MCHR2: variants seen among roughly 807,000 people sequenced by gnomAD.
MCHR2 encodes melanin-concentrating hormone receptor 2.
A neutral mutation model predicts 24.8 loss-of-function variants in MCHR2; 15 were observed. The ratio of observed to expected loss-of-function variants is 0.60; its 90% CI spans 0.40 to 0.93. The LOEUF is 0.93. MCHR2 is among the 40% of genes least tolerant of loss of function. The pLI is 0.00. For missense variants in MCHR2, 386 were observed against 408.7 expected (o/e 0.94, Z 0.48); for synonymous variants, 151 against 147.6 (o/e 1.02, Z -0.17).
intron 1 of MCHR2, among the ~76,000 whole-genome samples, chr6:99,966,769 ATATT>A (rs1457740886): frequency 3.3e-5 from 5 of 152,186 alleles, no homozygotes. Context: ...ATTATTGTTA[ATATT>A]TAATCAAAGG....
chr6:99,921,980 T>C lies in MCHR2; in HGVS notation c.708-725A>G, dbSNP rs1774242739. 2.0e-5 allele frequency among the ~76,000 whole-genome samples: 3 copies of C among 152,148 alleles called. No individual in the cohort carries two copies. In the South Asian group the frequency reaches 6.2e-4, roughly 31 times the overall value. Reference sequence around the variant, plus strand: ...CTCATTCTGTTTTATGGCTGAATAGTACTCCATTGTGTACACATATCACAT... The same window carrying C: ...CTCATTCTGTTTTATGGCTGAATAGCACTCCATTGTGTACACATATCACAT... On this transcript the variant is annotated intron_variant, in intron 5 of 5. Coordinates refer to ENST00000281806, the MANE Select transcript of MCHR2 (RefSeq NM_001040179.2).
chr6:99,954,354 C>T (rs973974259), intron 2 of MCHR2, among the ~76,000 whole-genome samples: 1 of 152,028 alleles, frequency 6.6e-6, no homozygotes, highest in Non-Finnish European at 1.5e-5. Flanking sequence ...GCTGAAAACA[C>T]CTATTAGGTA....
intron 1 of MCHR2, among the ~76,000 whole-genome samples, chr6:99,960,773 C>T (rs1039512455): frequency 6.6e-6 from 1 of 152,028 alleles, no homozygotes; most frequent in African/African-American, 2.4e-5. Flanking sequence ...AACTGGCTAG[C>T]CATATGCAGA....
intron 5 of MCHR2, among the ~76,000 whole-genome samples, chr6:99,923,912 G>A (rs569361294): frequency 6.6e-6 from 1 of 152,176 alleles, no homozygotes; most frequent in South Asian, 2.1e-4. Flanking sequence ...TAGTATCACA[G>A]TAATACTGGT....
chr6:99,964,069 G>T (rs1313118026), intron 1 of MCHR2, among the ~76,000 whole-genome samples: 1 of 152,088 alleles, frequency 6.6e-6, no homozygotes, highest in East Asian at 1.9e-4. Flanking sequence ...CTAATTAAAA[G>T]CACAATTGGA....
chr6:99,988,051 C>T (rs1775801616), intron 1 of MCHR2, among the ~76,000 whole-genome samples: 1 of 152,120 alleles, frequency 6.6e-6, no homozygotes, highest in African/African-American at 2.4e-5. Flanking sequence ...ATTTGATGTC[C>T]CAAGGGATGG....
Position 99,919,659 on chromosome 6 carries a change from CT to C in MCHR2, c.*1280del, listed in dbSNP as rs1281491683. 1.3e-5 allele frequency among the ~76,000 whole-genome samples: 2 copies of C among 150,998 alleles called. No individual in the cohort carries two copies. Among genetic ancestry groups the C allele is most frequent in the African/African-American group, 4.9e-5 (2 of 41,084 alleles). On this transcript the variant is annotated 3_prime_UTR_variant, in exon 6 of 6. Coordinates refer to ENST00000281806, the MANE Select transcript of MCHR2 (RefSeq NM_001040179.2). Reference sequence around the variant, plus strand: ...CCTATGAAAATTTAAGGGCTAATTACTTTTTGTACCTTAGAACAAACATGTA... The same window carrying C: ...CCTATGAAAATTTAAGGGCTAATTACTTTTGTACCTTAGAACAAACATGTA...
chr6:99,991,654 A>G (rs1775878108), intron 1 of MCHR2, among the ~76,000 whole-genome samples: 1 of 151,962 alleles, frequency 6.6e-6, no homozygotes, highest in Admixed American at 6.5e-5. Context: ...AAAAATACAA[A>G]AAATTAGCTG....
At chr6:99,989,978 C>A in intron 1 of MCHR2, among the ~76,000 whole-genome samples, 1 of 151,678 alleles carries the variant, frequency 6.6e-6, no homozygotes. Context: ...TTTTAAGTAG[C>A]AATATATAAT....
chr6:99,923,414 C>T (rs2114483397), intron 5 of MCHR2, among the ~76,000 whole-genome samples: 1 of 152,084 alleles, frequency 6.6e-6, no homozygotes, highest in East Asian at 1.9e-4. Flanking sequence ...CTAGCTAGGA[C>T]CTCAGTACTA....
intron 1 of MCHR2, among the ~76,000 whole-genome samples, chr6:99,982,309 G>A (rs6570468): frequency 0.99 from 151,038 of 151,854 alleles, 75,118 homozygotes; most frequent in East Asian, 1. Context: ...ATGGCTGTTC[G>A]GAAATCTAAT....
At chr6:99,990,729 G>A (rs190612623) in intron 1 of MCHR2, among the ~76,000 whole-genome samples, 1 of 151,744 alleles carries the variant, frequency 6.6e-6, no homozygotes, top group African/African-American at 2.4e-5. Context: ...CTGGATAAAA[G>A]CCATTTACAT....
At chr6:99,925,590 TA>T (rs1328548624) in intron 5 of MCHR2, among the ~76,000 whole-genome samples, 1 of 151,988 alleles carries the variant, frequency 6.6e-6, no homozygotes, top group African/African-American at 2.4e-5. Flanking sequence ...GAGGTTGCCA[TA>T]AGTCTTACAA....
At chr6:99,954,393 ATCCAAAATCTGAAATGC>A (rs1775020801) in intron 2 of MCHR2, among the ~76,000 whole-genome samples, 1 of 152,110 alleles carries the variant, frequency 6.6e-6, no homozygotes, top group South Asian at 2.1e-4. Context: ...TAACTTGAAA[ATCCAAAATCTGAAATGC>A]TCCAAAATCT....
At chr6:99,940,822 TG>T (rs1774756092) in intron 4 of MCHR2, among the ~76,000 whole-genome samples, 1 of 152,144 alleles carries the variant, frequency 6.6e-6, no homozygotes. Flanking sequence ...CTGTCCTGAA[TG>T]GGGGAAGTCC....
rs1240792978 is a variant in MCHR2, at chr6:99,934,490, A to G, written c.615T>C (p.Thr205=). The change falls in exon 5 of 6, where the codon ACT becomes ACC. Residue 205 remains threonine (T), a synonymous_variant. Transcript: ENST00000281806. ...AAATCAAGGGTAGAGGGAAAAAAAA[A>G]GTTGTTATCGTCAAATAAAGTGTAT... The part of the protein sequence containing the change: ...LWYTLYLTIT[T]FFFPLPLILV... 6.2e-7 allele frequency: 1 copy of G among 1,601,308 alleles called. No individual in the cohort carries two copies. The highest frequency in any genetic ancestry group is 1.1e-5 in the South Asian group (1 of 88,802).
chr6:99,951,667 C>T (rs1186744006), intron 2 of MCHR2, among the ~76,000 whole-genome samples: 1 of 152,048 alleles, frequency 6.6e-6, no homozygotes, highest in Non-Finnish European at 1.5e-5. Context: ...TCAATTCCAA[C>T]AAGAGTCTGT....
intron 5 of MCHR2, among the ~76,000 whole-genome samples, chr6:99,929,667 C>G (rs1037114041): frequency 9.2e-5 from 14 of 151,816 alleles, no homozygotes; most frequent in Non-Finnish European, 1.9e-4. Flanking sequence ...CAACCCCTGC[C>G]TTTTTTTGTT....
intron 2 of MCHR2, among the ~76,000 whole-genome samples, chr6:99,952,133 A>G (rs1281818114): frequency 6.6e-6 from 1 of 152,086 alleles, no homozygotes; most frequent in East Asian, 1.9e-4. Flanking sequence ...GGTTGAGTTC[A>G]TCAATCTGTC....
Sources: gnomAD v4.1 joint callset for allele counts (sites outside exome capture counted in the v4.1 genomes callset) on GRCh38, gnomAD v4.1.1 for gene constraint, MANE v1.5 for transcripts, NCBI Gene and HGNC (gene_info 2026-07-23, HGNC 2026-07-21) for gene names.